Variants in ABCC11 observed in about 807,000 individuals in gnomAD.
ABCC11 encodes ATP-binding cassette sub-family C member 11.
Under a neutral mutation model 149.3 loss-of-function variants are expected in ABCC11, and 135 were observed. That is an observed-to-expected ratio of 0.90 (90% confidence interval 0.79 to 1.04). The LOEUF is 1.04. ABCC11 is among the 50% of genes least tolerant of loss of function. ABCC11 has a pLI of 0.00. For missense variants in ABCC11, 1,680 were observed against 1,722.1 expected, an observed-to-expected ratio of 0.98 and a Z score of 0.43; for synonymous variants, 665 against 671.4, an observed-to-expected ratio of 0.99 and a Z score of 0.15.
chr16:48,228,331 T>C (rs1384409630), intron 3 of ABCC11, among the ~76,000 whole-genome samples: 3 of 151,962 alleles, frequency 2.0e-5, no homozygotes, highest in Admixed American at 6.6e-5. Context: ...CAGTGGCTCA[T>C]GCCTATAATC....
intron 23 of ABCC11, among the ~76,000 whole-genome samples, chr16:48,182,087 C>A (rs191680089): frequency 6.6e-6 from 1 of 152,176 alleles, no homozygotes; most frequent in African/African-American, 2.4e-5. Flanking sequence ...GGGGGCTCAA[C>A]GAGGAGTGAG....
intron 3 of ABCC11, among the ~76,000 whole-genome samples, chr16:48,228,413 G>A (rs1970218778): frequency 6.6e-6 from 1 of 152,052 alleles, no homozygotes; most frequent in Admixed American, 6.5e-5. Context: ...GGCCAACATT[G>A]TGAAACCCTG....
chr16:48,174,502 G>A (rs1055162939), intron 26 of ABCC11, among the ~76,000 whole-genome samples: 1 of 152,198 alleles, frequency 6.6e-6, no homozygotes, highest in African/African-American at 2.4e-5. Flanking sequence ...GTCAGTAGGA[G>A]CCTAATCTGG....
chr16:48,219,735 C>G (rs528275324), intron 6 of ABCC11, among the ~76,000 whole-genome samples: 2 of 152,292 alleles, frequency 1.3e-5, no homozygotes, highest in Admixed American at 1.3e-4. Context: ...AATCCCAGCA[C>G]TTTGGGAGGC....
intron 23 of ABCC11, among the ~76,000 whole-genome samples, chr16:48,179,150 G>A (rs1966273148): frequency 6.6e-6 from 1 of 152,198 alleles, no homozygotes; most frequent in Non-Finnish European, 1.5e-5. Context: ...CAGGACAGTT[G>A]AGCCCTAGTG....
intron 10 of ABCC11, 41 bp downstream of exon 10, chr16:48,213,402 G>A (rs374831263): frequency 1.1e-5 from 17 of 1,551,028 alleles, no homozygotes; most frequent in African/African-American, 8.2e-5. Context: ...GCAGAGGAGC[G>A]TCCAAGCAGG....
chr16:48,209,089 A>G (rs1342598594), intron 11 of ABCC11, among the ~76,000 whole-genome samples: 3 of 152,192 alleles, frequency 2.0e-5, no homozygotes, highest in African/African-American at 7.2e-5. Flanking sequence ...TGACAGACAG[A>G]AAGTTGGGGG....
intron 9 of ABCC11, among the ~76,000 whole-genome samples, 200 bp downstream of exon 9, chr16:48,214,681 C>A (rs1044093961): frequency 3.3e-5 from 5 of 152,206 alleles, no homozygotes; most frequent in Admixed American, 3.3e-4. Context: ...GTCCAGCCCG[C>A]CCACAGGGCT....
intron 18 of ABCC11, 146 bp downstream of exon 18, chr16:48,196,086 G>C (rs938674544): frequency 4.6e-6 from 3 of 656,042 alleles, no homozygotes; most frequent in Non-Finnish European, 7.8e-6. Context: ...TAACTGAGTA[G>C]AGTTTGGTTT....
At chr16:48,207,213 G>C (rs994360959) in intron 12 of ABCC11, among the ~76,000 whole-genome samples, 1 of 152,176 alleles carries the variant, frequency 6.6e-6, no homozygotes, top group African/African-American at 2.4e-5. Flanking sequence ...AGCCCAGGAG[G>C]GGGTGAGGTT....
intron 1 of ABCC11, chr16:48,244,262 G>C (rs1373058845): frequency 3.0e-6 from 2 of 664,242 alleles, no homozygotes; most frequent in Non-Finnish European, 4.8e-6. Flanking sequence ...GCCCGGGGAC[G>C]GACCGTAGCG....
intron 10 of ABCC11, among the ~76,000 whole-genome samples, chr16:48,212,502 C>T (rs934617975): frequency 6.6e-5 from 10 of 152,352 alleles, no homozygotes; most frequent in Admixed American, 5.9e-4. Flanking sequence ...ACATTCAAAG[C>T]CATCCTGGGC....
intron 6 of ABCC11, among the ~76,000 whole-genome samples, chr16:48,219,191 A>C (rs952942232): frequency 7.4e-6 from 1 of 135,434 alleles, no homozygotes; most frequent in African/African-American, 2.8e-5. Flanking sequence ...TTTTTTTGAG[A>C]CTGGGTCTCA....
chr16:48,196,732 C>G (rs1298041924), intron 17 of ABCC11, among the ~76,000 whole-genome samples: 1 of 152,220 alleles, frequency 6.6e-6, no homozygotes, highest in African/African-American at 2.4e-5. Context: ...CTAAGATGCC[C>G]TGCAGCCATA....
At chr16:48,244,223 A>G in intron 1 of ABCC11, 1 of 553,960 alleles carries the variant, frequency 1.8e-6, no homozygotes. Flanking sequence ...AGGCTCTCCT[A>G]GAGAGCAGCG....
intron 23 of ABCC11, 78 bp downstream of exon 23, chr16:48,184,362 C>A: frequency 6.6e-7 from 1 of 1,513,028 alleles, no homozygotes; most frequent in Non-Finnish European, 9.0e-7. Flanking sequence ...CACCTGAGGA[C>A]CCCCTGAGTC....
At chr16:48,197,586 T>C (rs937553415) in intron 17 of ABCC11, among the ~76,000 whole-genome samples, 1 of 152,218 alleles carries the variant, frequency 6.6e-6, no homozygotes, top group Non-Finnish European at 1.5e-5. Flanking sequence ...CATCAGGGGC[T>C]AAACCCAATT....
intron 23 of ABCC11, among the ~76,000 whole-genome samples, 174 bp from the exon 24 acceptor site, chr16:48,178,860 GTT>G (rs2150741081): frequency 6.6e-6 from 1 of 152,290 alleles, no homozygotes; most frequent in Non-Finnish European, 1.5e-5. Flanking sequence ...CCACTTCTGA[GTT>G]TAGCTGCAGC....
At position 48,170,913 on chromosome 16, in the gene ABCC11, CA is replaced by C; in HGVS notation, c.3752del (p.Leu1251TrpfsTer6). ...CGGCCTTGGTCAGGAATGTCCTCTC[CA>C]AGGCATCCCAGATCTGCTGGTCAGT... ...RHTDQQIWDA[L>X]ERTFLTKAIS... On this transcript the variant is annotated frameshift_variant, in exon 27 of 30. Transcript: ENST00000356608. LOFTEE classifies it high-confidence loss of function. The C allele has an allele frequency of 6.2e-7, 1 of 1,614,052 alleles. No homozygotes were observed. The highest frequency in any genetic ancestry group is 8.5e-7 in the Non-Finnish European group (1 of 1,179,882).
Sources: gnomAD v4.1 joint callset for allele counts (sites outside exome capture counted in the v4.1 genomes callset) on GRCh38, gnomAD v4.1.1 for gene constraint, MANE v1.5 for transcripts, NCBI Gene and HGNC (gene_info 2026-07-23, HGNC 2026-07-21) for gene names.